Variants in KYAT3 observed in about 807,000 individuals in gnomAD.
KYAT3 encodes the protein kynurenine--oxoglutarate transaminase 3.
KYAT3 carries 50 observed loss-of-function variants against 59.0 expected under a neutral mutation model. The ratio of observed to expected loss-of-function variants is 0.85; its 90% confidence interval spans 0.68 to 1.07. The LOEUF (loss-of-function observed/expected upper bound fraction) is 1.07, where lower values mean the gene tolerates loss of function less well. Among genes scored for constraint, KYAT3 ranks in the 50% least tolerant of loss-of-function variants. KYAT3 has a pLI of 0.00. For missense variants in KYAT3, 497 were observed against 533.3 expected, an observed-to-expected ratio of 0.93 and a Z score of 0.67; for synonymous variants, 148 against 177.0, an observed-to-expected ratio of 0.84 and a Z score of 1.30.
chr1:88,938,352 G>T (rs1303112811), intron 13 of KYAT3, among the ~76,000 whole-genome samples: 1 of 151,914 alleles, frequency 6.6e-6, no homozygotes. Context: ...TTTTAAAATT[G>T]TATATTTTTT....
intron 2 of KYAT3, among the ~76,000 whole-genome samples, chr1:88,971,832 C>A (rs1676568807): frequency 6.6e-6 from 1 of 152,146 alleles, no homozygotes; most frequent in East Asian, 1.9e-4. Context: ...GGTGCTTCTC[C>A]TATGTGCTTC....
At chr1:88,942,933 A>G in intron 13 of KYAT3, 72 bp downstream of exon 13, 1 of 1,131,416 alleles carries the variant, frequency 8.8e-7, no homozygotes. Flanking sequence ...TTTTAGAAAC[A>G]GAAGAAAATA....
chr1:88,962,529 A>G (rs1676186268), intron 5 of KYAT3, among the ~76,000 whole-genome samples: 1 of 152,238 alleles, frequency 6.6e-6, no homozygotes, highest in African/African-American at 2.4e-5. Context: ...AATCTAGAAT[A>G]TAAGTGATGT....
Position 88,961,481 on chromosome 1 carries a change from G to A in KYAT3, c.566C>T (p.Ser189Phe). Reference sequence around the variant, plus strand: ...AGGATCTAATGTCCAGTCAGAACTAGACCATCTTTTTCCATAAACAGGTTT... The same window carrying A: ...AGGATCTAATGTCCAGTCAGAACTAAACCATCTTTTTCCATAAACAGGTTT... ...RSKPVYGKRWSSSDWTLDPQE... is the reference protein window; with the variant it reads ...RSKPVYGKRWFSSDWTLDPQE... The change falls in exon 7 of 14, where the codon TCT (serine) becomes TTT (phenylalanine). Residue 189 changes from serine (S) to phenylalanine (F), a missense_variant. Coordinates refer to ENST00000260508, the MANE Select transcript of KYAT3 (RefSeq NM_001008661.3). 6.2e-7 allele frequency: 1 copy of A among 1,612,352 alleles called. No individual in the cohort carries two copies. Among genetic ancestry groups the A allele is most frequent in the Non-Finnish European group, 8.5e-7 (1 of 1,179,036 alleles).
chr1:88,927,654 G>A, the KYAT3 span, among the ~76,000 whole-genome samples: 1 of 151,912 alleles, frequency 6.6e-6, no homozygotes, highest in Non-Finnish European at 1.5e-5. Context: ...AGTATTCCCC[G>A]ATTATGCCCC....
At chr1:88,990,250 T>C (rs1677703668) in intron 1 of KYAT3, among the ~76,000 whole-genome samples, 1 of 115,884 alleles carries the variant, frequency 8.6e-6, no homozygotes, top group African/African-American at 5.2e-5. Flanking sequence ...ATATTCAACT[T>C]TGTTTGTCTC....
At chr1:88,963,000 T>C (rs990024381) in intron 5 of KYAT3, among the ~76,000 whole-genome samples, 1 of 152,032 alleles carries the variant, frequency 6.6e-6, no homozygotes, top group Non-Finnish European at 1.5e-5. Context: ...TTTTTTTTTT[T>C]TGAGAATATT....
In KYAT3 at chr1:88,953,090, C is replaced by G. The variant is rs117741360; in HGVS notation, c.927G>C (p.Thr309=). 6.2e-7 allele frequency: 1 copy of G among 1,612,104 alleles called. No homozygotes were observed. Among genetic ancestry groups the G allele is most frequent in the Non-Finnish European group, 8.5e-7 (1 of 1,178,232 alleles). The change falls in exon 10 of 14, where the codon ACG becomes ACC. Residue 309 remains threonine, a synonymous_variant. Coordinates refer to ENST00000260508, the MANE Select transcript of KYAT3 (RefSeq NM_001008661.3). ...GTAAAGGAGTTGCACAAGTATAAAT[C>G]GTGTTTTGTTGAACTGTCTGTAAAT... The part of the protein sequence containing the change: ...IKHLQTVQQN[T]IYTCATPLQE...
At chr1:88,938,229 T>C (rs1434453072) in intron 13 of KYAT3, among the ~76,000 whole-genome samples, 1 of 152,186 alleles carries the variant, frequency 6.6e-6, no homozygotes, top group African/African-American at 2.4e-5. Context: ...AAAATATTTG[T>C]TTTAAAGTAA....
chr1:88,965,076 G>T, intron 4 of KYAT3, 98 bp from the exon 5 acceptor site: 2 of 929,810 alleles, frequency 2.2e-6, no homozygotes, highest in Non-Finnish European at 3.2e-6. Flanking sequence ...TTAAAATTTG[G>T]ATTTGATGTT....
intron 2 of KYAT3, among the ~76,000 whole-genome samples, chr1:88,985,902 T>C (rs1677421941): frequency 6.6e-6 from 1 of 152,108 alleles, no homozygotes; most frequent in South Asian, 2.1e-4. Context: ...AGGGTTGGGC[T>C]GGACGCAGTG....
At chr1:88,942,526 T>C (rs895380890) in intron 13 of KYAT3, among the ~76,000 whole-genome samples, 1 of 152,214 alleles carries the variant, frequency 6.6e-6, no homozygotes, top group Admixed American at 6.5e-5. Flanking sequence ...TATTATGTTG[T>C]CTTCTTTCAA....
chr1:88,965,412 G>C (rs925396373), intron 4 of KYAT3, among the ~76,000 whole-genome samples: 1 of 152,152 alleles, frequency 6.6e-6, no homozygotes, highest in Non-Finnish European at 1.5e-5. Context: ...CCAACCAATG[G>C]ACTAGGGAAA....
chr1:88,924,149 G>A, the KYAT3 span, among the ~76,000 whole-genome samples: 939 of 152,290 alleles, frequency 6.2e-3, 6 homozygotes, highest in Admixed American at 9.7e-3. Flanking sequence ...CCTGGTGTTG[G>A]AGCCAGTCAG....
In KYAT3 at chr1:88,936,217, T is replaced by G. The variant is rs1675031601; in HGVS notation, c.1331A>C (p.Glu444Ala). Residue 444 changes from glutamate to alanine, a missense_variant, in exon 14 of 14, where the codon GAA becomes GCA. Glu to Ala is a moderately radical substitution (Grantham distance 107). This residue lies in a region of KYAT3 where 28 missense variants were observed against 54.2 expected (regional missense o/e 0.52). Transcript: ENST00000260508. ...CTGTACACTCCATGCCTTGATGATTTCTTCAGCAGCATCCAGTGTGCTGTC... is the reference window on the plus strand; with the variant it reads ...CTGTACACTCCATGCCTTGATGATTGCTTCAGCAGCATCCAGTGTGCTGTC... ...KKDSTLDAAE[E>A]IIKAWSVQKS is the part of the protein sequence containing the mutation. The G allele has an allele frequency of 1.2e-6, 2 of 1,611,352 alleles. No homozygotes were observed. The highest frequency in any genetic ancestry group is 1.7e-6 in the Non-Finnish European group (2 of 1,177,980).
In KYAT3 at chr1:88,949,365, T is replaced by A. The variant is rs149379019; in HGVS notation, c.955-88A>T. 415 of 936,450 alleles carry A rather than the reference T, an allele frequency of 4.4e-4. 5 individuals are homozygous for A. The East Asian group carries it at 0.011, about 25-fold the overall frequency. 58.0% of individuals were successfully genotyped at this position (936,450 alleles called of 1,614,324 possible). A position where few individuals can be genotyped will look rare whatever the true frequency, so the allele number is the denominator to read the frequency against. On this transcript the variant is annotated intron_variant, in intron 10 of 13. Coordinates refer to ENST00000260508, the MANE Select transcript of KYAT3 (RefSeq NM_001008661.3). ...ATTGGTATAATAAATAGAGATGATC[T>A]GAGTAAAATTATTGGCAAAGAAGTC...
At chr1:88,942,966 G>C in intron 13 of KYAT3, 39 bp downstream of exon 13, 1 of 1,281,320 alleles carries the variant, frequency 7.8e-7, no homozygotes. Context: ...TTGAAATGAA[G>C]ATACTATATA....
intron 13 of KYAT3, 78 bp downstream of exon 13, chr1:88,942,927 A>C: frequency 9.1e-7 from 1 of 1,096,846 alleles, no homozygotes; most frequent in Non-Finnish European, 1.4e-6. Context: ...TATCATTTTT[A>C]GAAACAGAAG....
chr1:88,947,446 C>A (rs1675488307), intron 11 of KYAT3, among the ~76,000 whole-genome samples: 1 of 152,216 alleles, frequency 6.6e-6, no homozygotes, highest in African/African-American at 2.4e-5. Flanking sequence ...ACCTAACTCT[C>A]CTCCTCCTAG....
Sources: gnomAD v4.1 joint callset for allele counts (sites outside exome capture counted in the v4.1 genomes callset) on GRCh38, gnomAD v4.1.1 for gene constraint, gnomAD v4.1.1 regional missense constraint, MANE v1.5 for transcripts, NCBI Gene and HGNC (gene_info 2026-07-23, HGNC 2026-07-21) for gene names.